Variants in CDH13 observed in about 807,000 individuals in gnomAD.
CDH13 encodes cadherin-13.
A neutral mutation model predicts 63.8 loss-of-function variants in CDH13; 24 were observed. The observed-to-expected ratio is 0.38, with a 90% confidence interval of 0.27 to 0.53. The LOEUF (loss-of-function observed/expected upper bound fraction) is 0.53. Ranked by LOEUF, CDH13 falls within the 20% of genes least tolerant of loss-of-function variation. The pLI is 0.85. For missense variants in CDH13, 1,049 were observed against 903.1 expected (o/e 1.16, Z -2.07); for synonymous variants, 503 against 355.3 (o/e 1.42, Z -4.67).
At chr16:82,850,168 A>G (rs2039424940) in intron 1 of CDH13, among the ~76,000 whole-genome samples, 1 of 152,232 alleles carries the variant, frequency 6.6e-6, no homozygotes, top group African/African-American at 2.4e-5. Context: ...AAATGAGTCA[A>G]AAACCTGCTG....
At chr16:82,989,667 G>T (rs1023047625) in intron 2 of CDH13, among the ~76,000 whole-genome samples, 2 of 152,188 alleles carry the variant, frequency 1.3e-5, no homozygotes, top group Non-Finnish European at 1.5e-5. Flanking sequence ...AATCTCAGCA[G>T]TCATGCTGTA....
chr16:83,075,522 GT>G (rs1190657028), intron 3 of CDH13, among the ~76,000 whole-genome samples: 1 of 152,212 alleles, frequency 6.6e-6, no homozygotes, highest in Non-Finnish European at 1.5e-5. Context: ...AGGGAACAGG[GT>G]TGTGGTTGCT....
Position 83,282,560 on chromosome 16 carries a change from A to G in CDH13, c.637-62302A>G, listed in dbSNP as rs189518880. Among the ~76,000 whole-genome samples the G allele has an allele frequency of 4.9e-4, 74 of 152,356 alleles. 1 individual carries two copies. The East Asian group carries it at 0.012, about 25-fold the overall frequency. On this transcript the variant is annotated intron_variant, in intron 5 of 13. Coordinates refer to ENST00000567109, the MANE Select transcript of CDH13 (RefSeq NM_001257.5). The stretch of plus-strand genomic sequence containing the variant: ...AACCCCTGTCTATTTGGGAGATCAT[A>G]AGGTTATAAAACAAGTGACAACAGG...
intron 6 of CDH13, among the ~76,000 whole-genome samples, chr16:83,476,870 G>T (rs2073619983): frequency 6.6e-6 from 1 of 152,080 alleles, no homozygotes. Context: ...GTGTTTTCAG[G>T]CAACATCATT....
intron 2 of CDH13, among the ~76,000 whole-genome samples, chr16:83,016,885 T>G (rs981391985): frequency 3.3e-5 from 5 of 152,202 alleles, no homozygotes; most frequent in African/African-American, 1.2e-4. Context: ...AAAACCAAAA[T>G]TGACATTCTG....
chr16:82,722,425 G>A (rs1006784088), intron 1 of CDH13, among the ~76,000 whole-genome samples: 2 of 152,100 alleles, frequency 1.3e-5, no homozygotes, highest in African/African-American at 2.4e-5. Context: ...AGAGAGAGAG[G>A]GCTGCTATTA....
intron 3 of CDH13, among the ~76,000 whole-genome samples, chr16:83,052,074 C>G (rs550651738): frequency 5.3e-5 from 8 of 152,176 alleles, no homozygotes; most frequent in Non-Finnish European, 1.2e-4. Flanking sequence ...AGAAATAATT[C>G]AAGCAGCTAA....
chr16:82,701,896 C>T (rs1161567984), intron 1 of CDH13, among the ~76,000 whole-genome samples: 1 of 152,194 alleles, frequency 6.6e-6, no homozygotes, highest in East Asian at 1.9e-4. Flanking sequence ...GACTTCATCT[C>T]TACCCAGCCA....
chr16:82,839,112 C>G (rs1312650124), intron 1 of CDH13, among the ~76,000 whole-genome samples: 1 of 152,162 alleles, frequency 6.6e-6, no homozygotes, highest in Non-Finnish European at 1.5e-5. Flanking sequence ...GTTTGCCAAT[C>G]AATGGTTTAG....
intron 4 of CDH13, among the ~76,000 whole-genome samples, chr16:83,200,734 G>T (rs2082229537): frequency 6.6e-6 from 1 of 151,944 alleles, no homozygotes; most frequent in South Asian, 2.1e-4. Context: ...GAAAAACTTT[G>T]CCAAAGCATT....
intron 2 of CDH13, among the ~76,000 whole-genome samples, chr16:82,972,880 C>T (rs1442257179): frequency 1.8e-4 from 27 of 152,106 alleles, no homozygotes; most frequent in Admixed American, 1.2e-3. Context: ...TGAAGGAAAC[C>T]AGGTCACTCA....
At chr16:82,870,617 A>T (rs1174415740) in intron 2 of CDH13, among the ~76,000 whole-genome samples, 1 of 152,190 alleles carries the variant, frequency 6.6e-6, no homozygotes, top group Non-Finnish European at 1.5e-5. Flanking sequence ...TATATATTTT[A>T]CATACCCAAT....
At chr16:83,103,408 G>A (rs2034608396) in intron 3 of CDH13, among the ~76,000 whole-genome samples, 2 of 150,974 alleles carry the variant, frequency 1.3e-5, no homozygotes, top group Non-Finnish European at 2.9e-5. Context: ...ACCACGCCCG[G>A]CTGATTTTTA....
At chr16:83,467,782 C>T (rs1296086006) in intron 6 of CDH13, among the ~76,000 whole-genome samples, 1 of 152,176 alleles carries the variant, frequency 6.6e-6, no homozygotes, top group Non-Finnish European at 1.5e-5. Context: ...AACCCTGAGC[C>T]AGTCACTTCT....
chr16:83,096,751 A>G (rs2034218155), intron 3 of CDH13, among the ~76,000 whole-genome samples: 1 of 152,188 alleles, frequency 6.6e-6, no homozygotes, highest in African/African-American at 2.4e-5. Flanking sequence ...AATTATGTGC[A>G]ATATTTTCAT....
chr16:82,810,435 G>A (rs575031697), intron 1 of CDH13, among the ~76,000 whole-genome samples: 9 of 152,226 alleles, frequency 5.9e-5, no homozygotes, highest in African/African-American at 2.2e-4. Context: ...AACTTTAATC[G>A]TCTCCTCAAT....
intron 7 of CDH13, among the ~76,000 whole-genome samples, chr16:83,559,676 C>T (rs915937589): frequency 1.3e-5 from 2 of 151,890 alleles, no homozygotes; most frequent in African/African-American, 2.4e-5. Flanking sequence ...AAATTGAAAA[C>T]CCTGAGGTAG....
chr16:83,429,734 A>T (rs1431168182), intron 6 of CDH13, among the ~76,000 whole-genome samples: 1 of 152,204 alleles, frequency 6.6e-6, no homozygotes, highest in African/African-American at 2.4e-5. Flanking sequence ...TACCTTTATA[A>T]TATTCCACTA....
intron 2 of CDH13, among the ~76,000 whole-genome samples, chr16:82,976,956 C>T (rs1313105347): frequency 6.6e-6 from 1 of 152,144 alleles, no homozygotes; most frequent in African/African-American, 2.4e-5. Flanking sequence ...AACTCTTGGT[C>T]CATCAGTCTG....
Sources: allele counts gnomAD v4.1 joint callset (sites outside exome capture counted in the v4.1 genomes callset), GRCh38; gene constraint gnomAD v4.1.1; transcripts MANE v1.5; gene names NCBI Gene and HGNC (gene_info 2026-07-23, HGNC 2026-07-21).